The following PHRF1 variants were observed in gnomAD, a reference collection of about 807,000 sequenced individuals.
The protein encoded by PHRF1 is PHD and ring finger domains 1.
PHRF1 carries 53 observed loss-of-function variants against 128.9 expected under a neutral mutation model. The observed-to-expected ratio is 0.41, with a 90% CI of 0.33 to 0.52. The LOEUF (loss-of-function observed/expected upper bound fraction) is 0.52. Among genes scored for constraint, PHRF1 ranks in the 20% least tolerant of loss-of-function variants. The pLI is 0.21. For synonymous variants in PHRF1, 1,178 were observed against 980.6 expected, an observed-to-expected ratio of 1.20 and a Z score of -3.76; for missense variants, 2,503 against 2,284.5, an observed-to-expected ratio of 1.10 and a Z score of -1.95.
Position 606,483 on chromosome 11 carries a change from A to T in PHRF1, c.1496A>T (p.Glu499Val). Residue 499 changes from glutamate (E) to valine (V), a missense_variant, in exon 13 of 18, where the codon GAG becomes GTG. Glu to Val is a moderately radical substitution (Grantham distance 121). Transcript: ENST00000264555. ...GCGGTGCCAGAGCCAGACTTGGAGG[A>T]GGAGCCAGTGCCTGACCTGCTGGGC... is the stretch of plus-strand genomic sequence containing the variant. ...PAAVPEPDLE[E>V]EPVPDLLGSI... 1 of 1,594,000 alleles carries T rather than the reference A, an allele frequency of 6.3e-7. No individual in the cohort carries two copies. Among genetic ancestry groups the T allele is most frequent in the Non-Finnish European group, 8.5e-7 (1 of 1,173,756 alleles).
At chr11:591,302 C>G (rs1176771383) in intron 4 of PHRF1, 82 bp from the exon 5 acceptor site, 2 of 1,265,456 alleles carry the variant, frequency 1.6e-6, no homozygotes, top group African/African-American at 3.0e-5. Flanking sequence ...TTAGCAGATA[C>G]TTGATTTTCA....
At chr11:590,329 C>A (rs1324444732) in intron 4 of PHRF1, among the ~76,000 whole-genome samples, 1 of 152,226 alleles carries the variant, frequency 6.6e-6, no homozygotes, top group Non-Finnish European at 1.5e-5. Flanking sequence ...CATCGATGTT[C>A]ACCACGGGGG....
rs1564877198 is a variant in PHRF1, at chr11:612,201, A to G, written c.*424A>G. The G allele has an allele frequency of 1.0e-5, 3 of 296,986 alleles. No homozygotes were observed. The highest frequency in any genetic ancestry group is 4.7e-5 in the Admixed American group (1 of 21,176). The allele number at this position is 296,986 out of a possible 1,614,324, so 18.4% of individuals were successfully genotyped here. On this transcript the variant is annotated 3_prime_UTR_variant, in exon 18 of 18. Coordinates refer to ENST00000264555, the MANE Select transcript of PHRF1 (RefSeq NM_001286581.2). Reference sequence around the variant, plus strand: ...GTACCTTTGGCTCTGAATTAGGAATATCTTTACTTTCTCTTTTCCAATTAT... The same window carrying G: ...GTACCTTTGGCTCTGAATTAGGAATGTCTTTACTTTCTCTTTTCCAATTAT...
intron 4 of PHRF1, among the ~76,000 whole-genome samples, chr11:588,875 C>T (rs546218988): frequency 7.9e-5 from 12 of 152,114 alleles, no homozygotes; most frequent in South Asian, 2.1e-4. Flanking sequence ...CAGTGGCTCA[C>T]GCCTGTAATC....
chr11:607,789 G>A lies in PHRF1; in HGVS notation c.2333G>A (p.Arg778Gln), dbSNP rs746033686. 7.4e-6 allele frequency: 12 copies of A among 1,612,616 alleles called. No homozygotes were observed. The highest frequency in any genetic ancestry group is 1.7e-5 in the Admixed American group (1 of 60,000). Residue 778 changes from arginine to glutamine, a missense_variant, in exon 14 of 18, where the codon CGG becomes CAG. Physicochemically the swap from Arg to Gln is conservative, Grantham distance 43 (BLOSUM62 1). Transcript: ENST00000264555. ...KGVGSTFESF[R>Q]INIPGNMAHS... Reference sequence around the variant, plus strand: ...GTCGGGTCGACCTTTGAGAGCTTCCGGATCAATATTCCTGGAAACATGGCA... The same window carrying A: ...GTCGGGTCGACCTTTGAGAGCTTCCAGATCAATATTCCTGGAAACATGGCA...
chr11:591,313 G>T (rs1323279152), intron 4 of PHRF1, 71 bp from the exon 5 acceptor site: 1 of 1,348,316 alleles, frequency 7.4e-7, no homozygotes, highest in Non-Finnish European at 1.0e-6. Flanking sequence ...TTGATTTTCA[G>T]TGTAAAAGAA....
Position 609,136 on chromosome 11 carries a change from A to G in PHRF1, c.3680A>G (p.His1227Arg), listed in dbSNP as rs766423002. 1 of 1,606,260 alleles carries G rather than the reference A, an allele frequency of 6.2e-7. No individual in the cohort carries two copies. Among genetic ancestry groups the G allele is most frequent in the Middle Eastern group, 1.6e-4 (1 of 6,082 alleles). The change falls in exon 14 of 18, where the codon CAT (histidine) becomes CGT (arginine). Residue 1227 changes from histidine (H) to arginine (R), a missense_variant. Transcript: ENST00000264555. ...AGGTTGCCAGCCTTGGGGGAAGCAC[A>G]TGTCTCGCCGGAGGTGGCTACGGCC... ...PTRLPALGEAHVSPEVATADK... is the reference protein window; with the variant it reads ...PTRLPALGEARVSPEVATADK...
At chr11:604,436 AG>A (rs1855826259) in intron 10 of PHRF1, among the ~76,000 whole-genome samples, 1 of 152,220 alleles carries the variant, frequency 6.6e-6, no homozygotes, top group African/African-American at 2.4e-5. Flanking sequence ...AGTAACTCTT[AG>A]GGTTTTTAGG....
In PHRF1 at chr11:592,566, T is replaced by C; in HGVS notation, c.512T>C (p.Val171Ala). The C allele has an allele frequency of 6.2e-7, 1 of 1,614,040 alleles. No individual in the cohort carries two copies. The highest frequency in any genetic ancestry group is 8.5e-7 in the Non-Finnish European group (1 of 1,179,874). The change falls in exon 6 of 18, where the codon GTG (valine) becomes GCG (alanine). Residue 171 changes from valine (V) to alanine (A), a missense_variant. Val to Ala is a moderately conservative substitution (Grantham distance 64). Coordinates refer to ENST00000264555, the MANE Select transcript of PHRF1 (RefSeq NM_001286581.2). ...CCGACGATTCTGTCCTAGATCCCAG[T>C]GGAGAACACCAAAGCGAGCGAGGAG... is the stretch of plus-strand genomic sequence containing the variant. ...FGGKILRKIPVENTKASEEEE... is the reference protein window; with the variant it reads ...FGGKILRKIPAENTKASEEEE...
intron 5 of PHRF1, 38 bp downstream of exon 5, chr11:591,505 T>C (rs1490090864): frequency 6.5e-7 from 1 of 1,533,068 alleles, no homozygotes; most frequent in African/African-American, 1.4e-5. Flanking sequence ...CCAGCCGTGC[T>C]TCTATCCCGG....
chr11:592,407 T>C (rs1253793318), intron 5 of PHRF1, among the ~76,000 whole-genome samples, 152 bp from the exon 6 acceptor site: 1 of 152,200 alleles, frequency 6.6e-6, no homozygotes, highest in Admixed American at 6.5e-5. Flanking sequence ...TAAAAATCCC[T>C]GTGTACACGT....
intron 1 of PHRF1, among the ~76,000 whole-genome samples, 168 bp from the exon 2 acceptor site, chr11:581,324 A>G (rs892673452): frequency 3.4e-5 from 5 of 145,396 alleles, no homozygotes; most frequent in Non-Finnish European, 3.0e-5. Flanking sequence ...GCCTGTGGGG[A>G]TACTGCTGAG....
At chr11:609,909 C>T (rs988087408) in intron 14 of PHRF1, among the ~76,000 whole-genome samples, 189 bp downstream of exon 14, 1 of 151,676 alleles carries the variant, frequency 6.6e-6, no homozygotes, top group Non-Finnish European at 1.5e-5. Flanking sequence ...AAGGACAGGG[C>T]CCCTGAGTGA....
intron 13 of PHRF1, 41 bp from the exon 14 acceptor site, chr11:607,025 G>A (rs746016306): frequency 6.5e-7 from 1 of 1,527,502 alleles, no homozygotes; most frequent in Non-Finnish European, 8.8e-7. Flanking sequence ...TTTAAGAAGA[G>A]TGGGTGGGAA....
intron 4 of PHRF1, among the ~76,000 whole-genome samples, chr11:588,957 G>A (rs990739487): frequency 6.6e-6 from 1 of 151,912 alleles, no homozygotes; most frequent in Non-Finnish European, 1.5e-5. Flanking sequence ...CCAACATGGT[G>A]AAACCCTGTG....
intron 9 of PHRF1, among the ~76,000 whole-genome samples, chr11:599,252 T>C (rs1805740043): frequency 7.1e-6 from 1 of 140,902 alleles, no homozygotes; most frequent in Admixed American, 7.4e-5. Context: ...TTTTTTCTTT[T>C]CTTTTTTTTT....
intron 14 of PHRF1, 39 bp downstream of exon 14, chr11:609,759 C>T (rs751244117): frequency 1.5e-6 from 2 of 1,349,910 alleles, no homozygotes; most frequent in Non-Finnish European, 2.0e-6. Context: ...ACAGAGCCCC[C>T]AGTGAGTAAG....
rs1175192195 is a variant in PHRF1 at position 607,863 on chromosome 11, G to C, written c.2407G>C (p.Val803Leu). Residue 803 changes from valine to leucine, a missense_variant, in exon 14 of 18, where the codon GTG becomes CTG. Val to Leu is a conservative substitution (Grantham distance 32). Transcript: ENST00000264555. ...TGGCTTCTGTAACACGTTCCGGCCT[G>C]TGGACGATAAGGAGCAGAGGAAGGA... is the stretch of plus-strand genomic sequence containing the variant. ...SPGFCNTFRPVDDKEQRKENP... is the reference protein window; with the variant it reads ...SPGFCNTFRPLDDKEQRKENP... 1.9e-6 allele frequency: 3 copies of C among 1,612,808 alleles called. No individual in the cohort carries two copies. In the South Asian group the frequency reaches 3.3e-5, roughly 18 times the overall value.
At chr11:585,543 T>A (rs113610080) in intron 3 of PHRF1, among the ~76,000 whole-genome samples, 1,641 of 90,220 alleles carry the variant, frequency 0.018, no homozygotes, top group African/African-American at 0.039. Flanking sequence ...CCTTTCCAGC[T>A]TGAGGTAGTA....
Sources: gnomAD v4.1 joint callset for allele counts (sites outside exome capture counted in the v4.1 genomes callset) on GRCh38, gnomAD v4.1.1 for gene constraint, MANE v1.5 for transcripts, NCBI Gene and HGNC (gene_info 2026-07-23, HGNC 2026-07-21) for gene names.